Variants in PIK3R3 observed in about 807,000 individuals in gnomAD.
The protein encoded by PIK3R3 is phosphoinositide-3-kinase regulatory subunit 3.
A neutral mutation model predicts 62.9 loss-of-function variants in PIK3R3; 64 were observed. The observed-to-expected ratio is 1.02, with a 90% CI of 0.83 to 1.25. The LOEUF (loss-of-function observed/expected upper bound fraction) is 1.25. PIK3R3 is among the 50% of genes most tolerant of loss of function. The probability of loss-of-function intolerance (pLI) is 0.00; values close to 1 mark genes in which losing one functional copy is unlikely to be tolerated. For missense variants in PIK3R3, 614 were observed against 561.6 expected, an observed-to-expected ratio of 1.09 and a Z score of -0.94; for synonymous variants, 165 against 189.0, an observed-to-expected ratio of 0.87 and a Z score of 1.04.
chr1:46,133,601 G>A (rs928996595), upstream of PIK3R3, among the ~76,000 whole-genome samples: 1 of 152,172 alleles, frequency 6.6e-6, no homozygotes, highest in Non-Finnish European at 1.5e-5. Context: ...CTCAGGGAGA[G>A]GATGTGCCCG....
rs941938583 is a variant in PIK3R3 at position 46,132,522 on chromosome 1, T to C, written c.-570A>G. 3.2e-6 allele frequency: 4 copies of C among 1,236,074 alleles called. No individual in the cohort carries two copies. The African/African-American group carries it at 4.7e-5, about 14-fold the overall frequency. 76.6% of individuals were successfully genotyped at this position (1,236,074 alleles called of 1,614,324 possible). A position where few individuals can be genotyped will look rare whatever the true frequency, so the allele number is the denominator to read the frequency against. On this transcript the variant is annotated 5_prime_UTR_variant, in exon 1 of 10. Coordinates refer to ENST00000262741, the MANE Select transcript of PIK3R3 (RefSeq NM_003629.4). ...TCTCGGAACCGAAGCTGCCGCAGCC[T>C]CGGGAATGGGGCCGGCCGGAGAAGT...
chr1:46,104,142 G>A (rs927641697), intron 1 of PIK3R3, among the ~76,000 whole-genome samples: 16 of 151,886 alleles, frequency 1.1e-4, no homozygotes, highest in African/African-American at 2.7e-4. Context: ...TGGCCAGGTT[G>A]GTCTCAAACT....
At chr1:46,072,190 C>T (rs1257814623) in intron 3 of PIK3R3, among the ~76,000 whole-genome samples, 1 of 152,230 alleles carries the variant, frequency 6.6e-6, no homozygotes, top group Non-Finnish European at 1.5e-5. Flanking sequence ...TAAACTTTCA[C>T]TCAAAGCCAT....
chr1:46,141,352 C>A, the PIK3R3 span, among the ~76,000 whole-genome samples: 5 of 152,114 alleles, frequency 3.3e-5, no homozygotes, highest in African/African-American at 1.2e-4. Flanking sequence ...CTCACTGCAA[C>A]CTTCCGCCTC....
chr1:46,133,545 C>G (rs1318785700), upstream of PIK3R3, among the ~76,000 whole-genome samples: 2 of 152,186 alleles, frequency 1.3e-5, no homozygotes, highest in Non-Finnish European at 2.9e-5. Flanking sequence ...GCACCCTTGA[C>G]AAGTTGTCAA....
At chr1:46,055,523 T>C (rs1186284314) in intron 7 of PIK3R3, among the ~76,000 whole-genome samples, 3 of 152,206 alleles carry the variant, frequency 2.0e-5, no homozygotes, top group African/African-American at 4.8e-5. Context: ...TGTTAAGATA[T>C]AGCATTTTAC....
intron 1 of PIK3R3, among the ~76,000 whole-genome samples, chr1:46,124,595 G>A (rs1259415115): frequency 2.0e-5 from 3 of 151,770 alleles, no homozygotes; most frequent in Non-Finnish European, 4.4e-5. Context: ...TTGGGAGTTC[G>A]AGACCAGCCT....
intron 1 of PIK3R3, among the ~76,000 whole-genome samples, chr1:46,119,865 C>T (rs1235570723): frequency 2.7e-5 from 4 of 150,652 alleles, no homozygotes; most frequent in Non-Finnish European, 5.9e-5. Flanking sequence ...GCAGCCTCGA[C>T]TTCCAGGGCT....
Position 46,043,665 on chromosome 1 carries a change from C to T in PIK3R3, c.*8G>A. 1 of 1,613,544 alleles carries T rather than the reference C, an allele frequency of 6.2e-7. No individual in the cohort carries two copies. The highest frequency in any genetic ancestry group is 8.5e-7 in the Non-Finnish European group (1 of 1,179,478). ...TGCCAGAGAACCACCTCTCTTCCCA[C>T]TTCCTCTTTATCTGCAAAGCGAGGG... is the stretch of plus-strand genomic sequence containing the variant. On this transcript the variant is annotated 3_prime_UTR_variant, in exon 10 of 10. Transcript: ENST00000262741.
chr1:46,063,983 C>T (rs550476602), intron 5 of PIK3R3, among the ~76,000 whole-genome samples: 5 of 151,004 alleles, frequency 3.3e-5, no homozygotes, highest in South Asian at 4.2e-4. Context: ...GAGGCTGAGT[C>T]GGGTCGATCA....
At chr1:46,122,323 T>C (rs1308884926) in intron 1 of PIK3R3, among the ~76,000 whole-genome samples, 1 of 152,120 alleles carries the variant, frequency 6.6e-6, no homozygotes, top group Non-Finnish European at 1.5e-5. Context: ...AACTCTCCGT[T>C]TGGCCCTGTG....
At chr1:46,116,197 G>T (rs189881497) in intron 1 of PIK3R3, among the ~76,000 whole-genome samples, 1 of 152,024 alleles carries the variant, frequency 6.6e-6, no homozygotes, top group African/African-American at 2.4e-5. Context: ...GAGCCACAAA[G>T]CATCCCAGTT....
At chr1:46,141,344 C>G in the PIK3R3 span, among the ~76,000 whole-genome samples, 1 of 152,084 alleles carries the variant, frequency 6.6e-6, no homozygotes, top group Admixed American at 6.5e-5. Flanking sequence ...GATCTCAGCT[C>G]ACTGCAACCT....
intron 3 of PIK3R3, among the ~76,000 whole-genome samples, chr1:46,071,759 AGC>A (rs1553148112): frequency 5.2e-4 from 52 of 100,112 alleles, no homozygotes; most frequent in Non-Finnish European, 3.6e-4. Context: ...AGAGAGAGAG[AGC>A]GCGCGCCTGA....
chr1:46,055,323 G>A (rs898326578), intron 7 of PIK3R3, among the ~76,000 whole-genome samples: 4 of 152,062 alleles, frequency 2.6e-5, no homozygotes, highest in Non-Finnish European at 5.9e-5. Context: ...GGCCAGGCTG[G>A]TGTCTCGAAC....
At chr1:46,124,007 A>G (rs1017391226) in intron 1 of PIK3R3, among the ~76,000 whole-genome samples, 1 of 152,210 alleles carries the variant, frequency 6.6e-6, no homozygotes, top group African/African-American at 2.4e-5. Context: ...AACAATTCCA[A>G]AACCCAAAAT....
At chr1:46,062,833 TG>T (rs1648635253) in intron 5 of PIK3R3, among the ~76,000 whole-genome samples, 1 of 151,918 alleles carries the variant, frequency 6.6e-6, no homozygotes, top group African/African-American at 2.4e-5. Context: ...GGTGGGTGGG[TG>T]GATTGGTTTT....
chr1:46,062,974 T>C (rs189320425), intron 5 of PIK3R3, among the ~76,000 whole-genome samples: 32 of 152,308 alleles, frequency 2.1e-4, no homozygotes, highest in East Asian at 1.9e-3. Flanking sequence ...CTTTCGGCAA[T>C]TGATTACTGA....
intron 1 of PIK3R3, among the ~76,000 whole-genome samples, chr1:46,082,490 T>C (rs12143865): frequency 0.096 from 14,570 of 152,258 alleles, 875 homozygotes; most frequent in Middle Eastern, 0.15. Flanking sequence ...GAATGGGATC[T>C]GAGTATGACA....
Sources: allele counts gnomAD v4.1 joint callset (sites outside exome capture counted in the v4.1 genomes callset), GRCh38; gene constraint gnomAD v4.1.1; transcripts MANE v1.5; gene names NCBI Gene and HGNC (gene_info 2026-07-23, HGNC 2026-07-21).